Variants in KCNH7 observed in about 807,000 individuals in gnomAD.
The protein encoded by KCNH7 is voltage-gated inwardly rectifying potassium channel KCNH7.
KCNH7 carries 49 observed loss-of-function variants against 120.8 expected under a neutral mutation model. The observed-to-expected ratio is 0.41, with a 90% confidence interval of 0.32 to 0.51. The LOEUF (loss-of-function observed/expected upper bound fraction) is 0.51. Ranked by LOEUF, KCNH7 falls within the 20% of genes least tolerant of loss-of-function variation. KCNH7 has a pLI of 0.38. For synonymous variants in KCNH7, 547 were observed against 516.1 expected, an observed-to-expected ratio of 1.06 and a Z score of -0.81; for missense variants, 1,097 against 1,446.6, an observed-to-expected ratio of 0.76 and a Z score of 3.92.
At chr2:162,419,360 G>T (rs1388833764) in intron 9 of KCNH7, among the ~76,000 whole-genome samples, 1 of 151,202 alleles carries the variant, frequency 6.6e-6, no homozygotes, top group Non-Finnish European at 1.5e-5. Context: ...TGAGTTGGGG[G>T]ATAGGCAGCA....
intron 6 of KCNH7, among the ~76,000 whole-genome samples, chr2:162,446,797 T>C (rs1262422696): frequency 6.6e-6 from 1 of 152,128 alleles, no homozygotes; most frequent in Non-Finnish European, 1.5e-5. Flanking sequence ...TTGGTTTTGA[T>C]ATATTAGTAA....
intron 7 of KCNH7, among the ~76,000 whole-genome samples, chr2:162,442,734 G>A (rs997311396): frequency 6.6e-6 from 1 of 152,088 alleles, no homozygotes; most frequent in Non-Finnish European, 1.5e-5. Context: ...GTGTCTGCCT[G>A]TAGTCCCAGC....
At chr2:162,468,854 C>CTTT (rs531099082) in intron 6 of KCNH7, among the ~76,000 whole-genome samples, 15 of 143,744 alleles carry the variant, frequency 1.0e-4, no homozygotes, top group African/African-American at 3.8e-4. Context: ...GCCTCTTTCC[C>CTTT]TTTTTTTTTT....
At chr2:162,473,257 G>C (rs1006368590) in intron 6 of KCNH7, among the ~76,000 whole-genome samples, 1 of 151,570 alleles carries the variant, frequency 6.6e-6, no homozygotes, top group Non-Finnish European at 1.5e-5. Context: ...AAAAATACTA[G>C]AATCATAAAA....
intron 14 of KCNH7, among the ~76,000 whole-genome samples, chr2:162,377,458 G>T (rs1467721244): frequency 6.6e-6 from 1 of 152,178 alleles, no homozygotes; most frequent in Non-Finnish European, 1.5e-5. Context: ...AGAGGTAAAG[G>T]TGGAGATTTT....
chr2:162,748,500 T>C lies in KCNH7; in HGVS notation c.307+88037A>G, dbSNP rs965096300. 3.1e-4 allele frequency among the ~76,000 whole-genome samples: 47 copies of C among 152,164 alleles called. 1 individual carries two copies. The highest frequency in any genetic ancestry group is 2.8e-3 in the Admixed American group (43 of 15,278). On this transcript the variant is annotated intron_variant, in intron 2 of 15. Transcript: ENST00000332142. ...GTACATGTGGAATATAAAATACCTA[T>C]GCCAAGGCACTAAAGATGAAATGAA...
chr2:162,543,673 C>G (rs147897858), intron 2 of KCNH7, among the ~76,000 whole-genome samples: 21 of 152,154 alleles, frequency 1.4e-4, no homozygotes, highest in African/African-American at 4.8e-4. Flanking sequence ...ATTGGACAGA[C>G]TTGGCTCTAC....
chr2:162,474,792 G>A (rs550874269), intron 6 of KCNH7, among the ~76,000 whole-genome samples: 1 of 151,148 alleles, frequency 6.6e-6, no homozygotes, highest in East Asian at 2.0e-4. Flanking sequence ...AGCCTAGTAA[G>A]CAAGCTTGGA....
chr2:162,500,600 G>A (rs1299943641), intron 6 of KCNH7, among the ~76,000 whole-genome samples: 1 of 151,922 alleles, frequency 6.6e-6, no homozygotes, highest in Non-Finnish European at 1.5e-5. Flanking sequence ...TTTCATCAAT[G>A]CCTTTTTCTC....
chr2:162,483,884 G>A (rs535685588), intron 6 of KCNH7, among the ~76,000 whole-genome samples: 4 of 152,196 alleles, frequency 2.6e-5, no homozygotes, highest in African/African-American at 9.6e-5. Flanking sequence ...GGAGGAGTCA[G>A]GCTACAAAGC....
At chr2:162,614,830 G>T (rs937897079) in intron 2 of KCNH7, among the ~76,000 whole-genome samples, 4 of 151,100 alleles carry the variant, frequency 2.6e-5, no homozygotes, top group Non-Finnish European at 5.9e-5. Context: ...ATTGGATAGG[G>T]CTACTGAACT....
Position 162,372,046 on chromosome 2 carries a change from G to A in KCNH7, c.3374C>T (p.Ser1125Phe), listed in dbSNP as rs940951599. Reference sequence around the variant, plus strand: ...GTTCAGATGCACCCCACTTGAAAGGGATTCTTTGGATTTAAGTTTAGATTT... The same window carrying A: ...GTTCAGATGCACCCCACTTGAAAGGAATTCTTTGGATTTAAGTTTAGATTT... ...LEKSKLKSKE[S>F]LSSGVHLNTA... The change falls in exon 16 of 16, where the codon TCC (serine) becomes TTC (phenylalanine). Residue 1125 changes from serine to phenylalanine, a missense_variant. Coordinates refer to ENST00000332142, the MANE Select transcript of KCNH7 (RefSeq NM_033272.4). The A allele has an allele frequency of 2.8e-5, 45 of 1,612,904 alleles. No homozygotes were observed. Among genetic ancestry groups the A allele is most frequent in the Non-Finnish European group, 3.8e-5 (45 of 1,179,230 alleles).
intron 6 of KCNH7, among the ~76,000 whole-genome samples, chr2:162,452,191 G>T (rs548731404): frequency 7.2e-5 from 11 of 151,960 alleles, no homozygotes; most frequent in Non-Finnish European, 1.3e-4. Flanking sequence ...CTGAATTTTA[G>T]CTGTATATTG....
chr2:162,699,564 T>C (rs1412300284), intron 2 of KCNH7, among the ~76,000 whole-genome samples: 1 of 152,222 alleles, frequency 6.6e-6, no homozygotes, highest in Non-Finnish European at 1.5e-5. Flanking sequence ...GTGCAGAATG[T>C]GCAGTAATGG....
chr2:162,693,972 T>C lies in KCNH7; in HGVS notation c.307+142565A>G, dbSNP rs1190962668. Among the ~76,000 whole-genome samples, 5 of 152,140 alleles carry C rather than the reference T, an allele frequency of 3.3e-5. No individual in the cohort carries two copies. In the East Asian group the frequency reaches 9.6e-4, roughly 29 times the overall value. ...AAATTTAAATGGTACAGTGATTTAATAAATTAATGAAAAAAGCCTGTGAAG... is the reference window on the plus strand; with the variant it reads ...AAATTTAAATGGTACAGTGATTTAACAAATTAATGAAAAAAGCCTGTGAAG... On this transcript the variant is annotated intron_variant, in intron 2 of 15. Coordinates refer to ENST00000332142, the MANE Select transcript of KCNH7 (RefSeq NM_033272.4).
intron 9 of KCNH7, among the ~76,000 whole-genome samples, chr2:162,408,886 T>TA (rs760001514): frequency 6.6e-6 from 1 of 151,810 alleles, no homozygotes; most frequent in Non-Finnish European, 1.5e-5. Flanking sequence ...AATTTTGTGA[T>TA]AAAAAATGAA....
At chr2:162,776,026 C>T (rs1451680994) in intron 2 of KCNH7, among the ~76,000 whole-genome samples, 1 of 152,166 alleles carries the variant, frequency 6.6e-6, no homozygotes, top group Non-Finnish European at 1.5e-5. Context: ...ACATCTGGCT[C>T]ATAAGCAGTC....
chr2:162,681,275 T>C (rs1355372159), intron 2 of KCNH7, among the ~76,000 whole-genome samples: 1 of 151,714 alleles, frequency 6.6e-6, no homozygotes, highest in African/African-American at 2.4e-5. Context: ...CAAGTAGTGA[T>C]GCGGAATGCA....
At chr2:162,805,431 TAGAC>T (rs1025158852) in intron 2 of KCNH7, among the ~76,000 whole-genome samples, 1 of 151,884 alleles carries the variant, frequency 6.6e-6, no homozygotes, top group Non-Finnish European at 1.5e-5. Flanking sequence ...AGGACATGAA[TAGAC>T]ATTTCTCAAA....
Sources: allele counts gnomAD v4.1 joint callset (sites outside exome capture counted in the v4.1 genomes callset), GRCh38; gene constraint gnomAD v4.1.1; transcripts MANE v1.5; gene names NCBI Gene and HGNC (gene_info 2026-07-23, HGNC 2026-07-21).